STXBP5L: variants seen among roughly 807,000 people sequenced by gnomAD.
STXBP5L encodes the protein syntaxin binding protein 5L.
Under a neutral mutation model 144.5 loss-of-function variants are expected in STXBP5L, and 65 were observed. The ratio of observed to expected loss-of-function variants is 0.45; its 90% confidence interval spans 0.37 to 0.55. The LOEUF (loss-of-function observed/expected upper bound fraction) is 0.55, where lower values mean the gene tolerates loss of function less well. Ranked by LOEUF, STXBP5L falls within the 20% of genes least tolerant of loss-of-function variation. The pLI is 0.00. For synonymous variants in STXBP5L, 505 were observed against 469.6 expected (o/e 1.08, Z -0.97); for missense variants, 1,298 against 1,405.5 (o/e 0.92, Z 1.22).
chr3:121,058,310 C>G (rs766048348), intron 5 of STXBP5L, among the ~76,000 whole-genome samples: 7 of 152,156 alleles, frequency 4.6e-5, no homozygotes, highest in Non-Finnish European at 1.0e-4. Flanking sequence ...TGAACTAATC[C>G]TTTTCTATGG....
intron 3 of STXBP5L, among the ~76,000 whole-genome samples, chr3:120,979,553 A>G (rs939480463): frequency 3.9e-5 from 6 of 152,066 alleles, no homozygotes; most frequent in Admixed American, 1.3e-4. Flanking sequence ...CACTGCACCC[A>G]CTGTCCTGCA....
intron 5 of STXBP5L, among the ~76,000 whole-genome samples, chr3:121,093,515 C>G (rs1035083075): frequency 6.6e-6 from 1 of 152,146 alleles, no homozygotes; most frequent in African/African-American, 2.4e-5. Flanking sequence ...GTATATGTGT[C>G]GAGGAATTTA....
At chr3:120,943,582 G>T (rs772894754) in intron 2 of STXBP5L, among the ~76,000 whole-genome samples, 2 of 151,460 alleles carry the variant, frequency 1.3e-5, no homozygotes, top group Non-Finnish European at 3.0e-5. Flanking sequence ...TATATCACTT[G>T]GTTTTGATTT....
Position 121,155,244 on chromosome 3 carries a change from T to C in STXBP5L, c.754-2260T>C, listed in dbSNP as rs1019510247. Among the ~76,000 whole-genome samples, 11 of 151,968 alleles carry C rather than the reference T, an allele frequency of 7.2e-5. No homozygotes were observed. In the South Asian group the frequency reaches 2.1e-3, roughly 29 times the overall value. ...TAAATTTACAACATCCTTCTACACA[T>C]TCCCCACATTTCAGACATATTACTC... On this transcript the variant is annotated intron_variant, in intron 8 of 26. Coordinates refer to ENST00000471454, the MANE Select transcript of STXBP5L (RefSeq NM_001308330.2).
chr3:121,407,038 A>T (rs1175920664), intron 22 of STXBP5L, among the ~76,000 whole-genome samples: 1 of 151,942 alleles, frequency 6.6e-6, no homozygotes, highest in East Asian at 1.9e-4. Context: ...GGGTTTGACC[A>T]GTTGACGTCT....
intron 3 of STXBP5L, among the ~76,000 whole-genome samples, chr3:120,980,162 T>A (rs1461842144): frequency 6.6e-6 from 1 of 152,206 alleles, no homozygotes; most frequent in Non-Finnish European, 1.5e-5. Flanking sequence ...GGGGGATGTT[T>A]CATGTGCAGA....
rs567224761 is a variant in STXBP5L at position 121,372,417 on chromosome 3, G to A, written c.2177-6299G>A. 3.0e-4 allele frequency among the ~76,000 whole-genome samples: 45 copies of A among 152,256 alleles called. 1 individual carries two copies. The South Asian group carries it at 6.4e-3, about 22-fold the overall frequency. The stretch of plus-strand genomic sequence containing the variant: ...TGCTCCCACACCAAACCCTCTGGGC[G>A]CTAGCTGGAGTTCTTTCCTTAATGC... On this transcript the variant is annotated intron_variant, in intron 20 of 26. Transcript: ENST00000471454.
intron 20 of STXBP5L, among the ~76,000 whole-genome samples, chr3:121,334,654 GC>G (rs1451395332): frequency 1.3e-5 from 2 of 152,110 alleles, no homozygotes; most frequent in African/African-American, 4.8e-5. Context: ...AATCAAGTAG[GC>G]TTTATCCCTG....
chr3:121,041,659 G>A, intron 3 of STXBP5L, 41 bp from the exon 4 acceptor site: 1 of 1,407,542 alleles, frequency 7.1e-7, no homozygotes, highest in Non-Finnish European at 1.0e-6. Flanking sequence ...TAATATTGGT[G>A]CTAATTAAAA....
At chr3:121,125,193 G>A (rs2044649363) in intron 7 of STXBP5L, among the ~76,000 whole-genome samples, 1 of 152,086 alleles carries the variant, frequency 6.6e-6, no homozygotes. Context: ...ATATGGTTGG[G>A]CGCAGTGGCT....
chr3:121,036,772 A>ATTTTTTTTTTTTTTTTT (rs3863971), intron 3 of STXBP5L, among the ~76,000 whole-genome samples: 6 of 122,222 alleles, frequency 4.9e-5, no homozygotes, highest in African/African-American at 6.2e-5. Flanking sequence ...ACATTGATTG[A>ATTTTTTTTTTTTTTTTT]TTTTTTTTTT....
At chr3:121,113,820 C>A (rs1163250438) in intron 5 of STXBP5L, among the ~76,000 whole-genome samples, 1 of 151,412 alleles carries the variant, frequency 6.6e-6, no homozygotes, top group Non-Finnish European at 1.5e-5. Flanking sequence ...CTATGGGCAC[C>A]CACCACCACG....
chr3:121,091,098 G>A (rs1289946059), intron 5 of STXBP5L, among the ~76,000 whole-genome samples: 2 of 150,094 alleles, frequency 1.3e-5, no homozygotes, highest in Non-Finnish European at 2.9e-5. Flanking sequence ...TCCCTACAAA[G>A]GACATGAACT....
chr3:121,135,753 C>G (rs533870269), intron 7 of STXBP5L, among the ~76,000 whole-genome samples: 9 of 152,302 alleles, frequency 5.9e-5, no homozygotes, highest in African/African-American at 1.9e-4. Flanking sequence ...TGGTTCCTAA[C>G]AGGCCACAGA....
At position 121,247,312 on chromosome 3, in the gene STXBP5L, A is replaced by G. The variant is rs529365846; in HGVS notation, c.1401-3411A>G. On this transcript the variant is annotated intron_variant, in intron 14 of 26. Coordinates refer to ENST00000471454, the MANE Select transcript of STXBP5L (RefSeq NM_001308330.2). Reference sequence around the variant, plus strand: ...TCTCCAACTTTGTTTTTATTTTTCAAAATTGCTTTGGCTAATCTAGTTTCT... The same window carrying G: ...TCTCCAACTTTGTTTTTATTTTTCAGAATTGCTTTGGCTAATCTAGTTTCT... Among the ~76,000 whole-genome samples, 5 of 152,344 alleles carry G rather than the reference A, an allele frequency of 3.3e-5. No individual in the cohort carries two copies. The South Asian group carries it at 6.2e-4, about 19-fold the overall frequency.
At chr3:121,214,643 A>G (rs980774941) in intron 10 of STXBP5L, among the ~76,000 whole-genome samples, 3 of 152,188 alleles carry the variant, frequency 2.0e-5, no homozygotes, top group African/African-American at 7.2e-5. Context: ...CAATTTTAGA[A>G]TAAGTTCATT....
chr3:121,267,675 A>G (rs1362994828), intron 18 of STXBP5L, among the ~76,000 whole-genome samples: 1 of 152,212 alleles, frequency 6.6e-6, no homozygotes, highest in Non-Finnish European at 1.5e-5. Context: ...ACAAAGGTCT[A>G]ATATCTAGAA....
At chr3:121,333,925 A>G (rs1218965831) in intron 20 of STXBP5L, among the ~76,000 whole-genome samples, 1 of 152,088 alleles carries the variant, frequency 6.6e-6, no homozygotes, top group African/African-American at 2.4e-5. Context: ...CCCAGATCTC[A>G]TCTTGAATTG....
chr3:120,911,854 A>G (rs1026820181), intron 2 of STXBP5L, among the ~76,000 whole-genome samples: 1 of 152,016 alleles, frequency 6.6e-6, no homozygotes, highest in African/African-American at 2.4e-5. Flanking sequence ...AAAACATATA[A>G]AAATGGACTA....
Sources: gnomAD v4.1 joint callset for allele counts (sites outside exome capture counted in the v4.1 genomes callset) on GRCh38, gnomAD v4.1.1 for gene constraint, MANE v1.5 for transcripts, NCBI Gene and HGNC (gene_info 2026-07-23, HGNC 2026-07-21) for gene names.